Variants in MTMR6 observed in about 807,000 individuals in gnomAD.
MTMR6 encodes the protein phosphatidylinositol-3,5-bisphosphate 3-phosphatase MTMR6.
A neutral mutation model predicts 80.1 loss-of-function variants in MTMR6; 47 were observed. The observed-to-expected ratio is 0.59, with a 90% confidence interval of 0.46 to 0.75. The LOEUF is 0.75. Among genes scored for constraint, MTMR6 ranks in the 30% least tolerant of loss-of-function variants. The probability of loss-of-function intolerance (pLI) is 0.00; values close to 1 mark genes in which losing one functional copy is unlikely to be tolerated. For missense variants in MTMR6, 629 were observed against 730.9 expected, an observed-to-expected ratio of 0.86 and a Z score of 1.61; for synonymous variants, 254 against 253.0, an observed-to-expected ratio of 1.00 and a Z score of -0.04.
intron 2 of MTMR6, among the ~76,000 whole-genome samples, chr13:25,272,590 T>A (rs1283551232): frequency 6.6e-6 from 1 of 152,214 alleles, no homozygotes; most frequent in African/African-American, 2.4e-5. Flanking sequence ...CTTGTTCCTC[T>A]ACTTCCCTCC....
chr13:25,257,361 G>A lies in MTMR6; in HGVS notation c.970-40C>T, dbSNP rs774033909. The A allele has an allele frequency of 2.5e-6, 4 of 1,601,622 alleles. No individual in the cohort carries two copies. In the South Asian group the frequency reaches 4.5e-5, roughly 18 times the overall value. ...CACATACATTCTAGCGTACTTTAAG[G>A]TAAACCAATAAATTCTACTTGAAAA... On this transcript the variant is annotated intron_variant, in intron 8 of 13. Coordinates refer to ENST00000381801, the MANE Select transcript of MTMR6 (RefSeq NM_004685.5).
At chr13:25,249,942 G>T (rs1246837318) in intron 13 of MTMR6, among the ~76,000 whole-genome samples, 1 of 152,116 alleles carries the variant, frequency 6.6e-6, no homozygotes, top group African/African-American at 2.4e-5. Flanking sequence ...AAAAATAACA[G>T]ACTTTAAACA....
intron 9 of MTMR6, among the ~76,000 whole-genome samples, chr13:25,256,649 T>C (rs1957215162): frequency 6.6e-6 from 1 of 152,232 alleles, no homozygotes; most frequent in African/African-American, 2.4e-5. Context: ...AAAAAGGAAC[T>C]AGGTCTTTAT....
chr13:25,269,582 A>G (rs533495915), intron 2 of MTMR6, among the ~76,000 whole-genome samples: 14 of 152,146 alleles, frequency 9.2e-5, no homozygotes, highest in Non-Finnish European at 1.5e-4. Flanking sequence ...CTAAAAATTC[A>G]ACATAAATTT....
At chr13:25,272,155 A>G (rs1957593934) in intron 2 of MTMR6, among the ~76,000 whole-genome samples, 3 of 152,196 alleles carry the variant, frequency 2.0e-5, no homozygotes, top group Admixed American at 6.5e-5. Flanking sequence ...ACACCAAAAT[A>G]TTTCCCAGAT....
chr13:25,260,047 G>A (rs1957297460), intron 6 of MTMR6, among the ~76,000 whole-genome samples: 2 of 151,964 alleles, frequency 1.3e-5, no homozygotes, highest in Non-Finnish European at 2.9e-5. Flanking sequence ...ATTTTTAGTA[G>A]AGACGGGGTT....
chr13:25,259,399 T>C (rs1957284537), intron 6 of MTMR6, among the ~76,000 whole-genome samples: 1 of 152,246 alleles, frequency 6.6e-6, no homozygotes, highest in South Asian at 2.1e-4. Context: ...TCATATAGTA[T>C]GTTAACACAA....
rs1226413810 is a variant in MTMR6 at position 25,266,109 on chromosome 13, C to T, written c.462+20G>A. On this transcript the variant is annotated intron_variant, in intron 4 of 13. Coordinates refer to ENST00000381801, the MANE Select transcript of MTMR6 (RefSeq NM_004685.5). ...TGGTACTAACACTTTCTGAATTTCT[C>T]CAAAATGTTGTTAAGGTACCTTGTA... The T allele has an allele frequency of 6.2e-7, 1 of 1,611,290 alleles. No individual in the cohort carries two copies. Among genetic ancestry groups the T allele is most frequent in the Non-Finnish European group, 8.5e-7 (1 of 1,178,546 alleles).
At chr13:25,252,981 C>G (rs1957122079) in intron 11 of MTMR6, among the ~76,000 whole-genome samples, 1 of 152,044 alleles carries the variant, frequency 6.6e-6, no homozygotes, top group Non-Finnish European at 1.5e-5. Flanking sequence ...CTTGGATGTT[C>G]AAAAGTCTGT....
intron 1 of MTMR6, among the ~76,000 whole-genome samples, chr13:25,285,498 G>A (rs749709107): frequency 7.3e-6 from 1 of 136,894 alleles, no homozygotes; most frequent in African/African-American, 2.8e-5. Context: ...TCAGCCTCCC[G>A]AGTAGCTGGG....
chr13:25,257,374 T>C (rs1957235106), intron 8 of MTMR6, 53 bp from the exon 9 acceptor site: 1 of 1,588,908 alleles, frequency 6.3e-7, no homozygotes, highest in South Asian at 1.1e-5. Context: ...AACCAATAAA[T>C]TCTACTTGAA....
chr13:25,254,293 G>A, intron 10 of MTMR6, 92 bp downstream of exon 10: 1 of 890,250 alleles, frequency 1.1e-6, no homozygotes, highest in South Asian at 1.4e-5. Flanking sequence ...CTCCCATCAC[G>A]CATGTGAGTT....
chr13:25,262,794 G>A (rs988583653), intron 5 of MTMR6, among the ~76,000 whole-genome samples: 6 of 152,156 alleles, frequency 3.9e-5, no homozygotes, highest in African/African-American at 1.2e-4. Flanking sequence ...ATAAAACCAC[G>A]AAAATATGAT....
At chr13:25,273,443 T>A (rs79068065) in intron 2 of MTMR6, among the ~76,000 whole-genome samples, 10,108 of 152,042 alleles carry the variant, frequency 0.066, 399 homozygotes, top group Admixed American at 0.094. Context: ...ATAAAAACAC[T>A]GTGGAATATA....
chr13:25,253,347 G>A (rs1040527984), intron 11 of MTMR6, among the ~76,000 whole-genome samples: 7 of 152,148 alleles, frequency 4.6e-5, no homozygotes, highest in Non-Finnish European at 8.8e-5. Flanking sequence ...TAAAACTAGC[G>A]ACTGATACAT....
chr13:25,256,304 A>G (rs1285970069), intron 9 of MTMR6, among the ~76,000 whole-genome samples: 1 of 152,240 alleles, frequency 6.6e-6, no homozygotes, highest in Non-Finnish European at 1.5e-5. Flanking sequence ...AATTAAAGCC[A>G]AACATGGCAA....
rs531029855 is a variant in MTMR6 at position 25,246,951 on chromosome 13, C to T, written c.*2281G>A. ...CTCGAATGTTTGTACTCAATGGACC[C>T]TGCCTTCCATCAAGTTGGCAAGGGC... On this transcript the variant is annotated 3_prime_UTR_variant, in exon 14 of 14. Transcript: ENST00000381801. 2.3e-3 allele frequency: 357 copies of T among 152,264 alleles called. 2 individuals are homozygous for T. Among genetic ancestry groups the T allele is most frequent in the African/African-American group, 8.1e-3 (337 of 41,554 alleles). 9.4% of individuals were successfully genotyped at this position (152,264 alleles called of 1,614,324 possible).
intron 9 of MTMR6, among the ~76,000 whole-genome samples, chr13:25,254,677 A>C (rs1215168169): frequency 6.6e-6 from 1 of 152,216 alleles, no homozygotes; most frequent in African/African-American, 2.4e-5. Flanking sequence ...CGTTGAATTT[A>C]TTACATTTTA....
intron 1 of MTMR6, among the ~76,000 whole-genome samples, chr13:25,284,916 C>T (rs1169364712): frequency 6.6e-6 from 1 of 152,154 alleles, no homozygotes; most frequent in East Asian, 1.9e-4. Flanking sequence ...TATTTATTTG[C>T]GGTCTACATA....
Sources: allele counts gnomAD v4.1 joint callset (sites outside exome capture counted in the v4.1 genomes callset), GRCh38; gene constraint gnomAD v4.1.1; transcripts MANE v1.5; gene names NCBI Gene and HGNC (gene_info 2026-07-23, HGNC 2026-07-21).